Variants in JAKMIP3 observed in about 807,000 individuals in gnomAD.
JAKMIP3 encodes the protein janus kinase and microtubule-interacting protein 3.
In JAKMIP3, 58 loss-of-function variants were observed where a neutral mutation model predicts 118.5. The ratio of observed to expected loss-of-function variants is 0.49; its 90% CI spans 0.40 to 0.61. The LOEUF (loss-of-function observed/expected upper bound fraction) is 0.61, where lower values mean the gene tolerates loss of function less well. Among genes scored for constraint, JAKMIP3 ranks in the 20% least tolerant of loss-of-function variants. JAKMIP3 has a pLI of 0.00. For missense variants in JAKMIP3, 950 were observed against 1,109.0 expected (o/e 0.86, Z 2.04); for synonymous variants, 486 against 451.2 (o/e 1.08, Z -0.98).
intron 1 of JAKMIP3, 106 bp from the exon 2 acceptor site, chr10:132,104,566 C>T (rs2045614546): frequency 3.7e-6 from 2 of 539,946 alleles, no homozygotes; most frequent in East Asian, 6.3e-5. Context: ...CTCAGCACTG[C>T]AATGAGGTGG....
rs1183696122 is a variant in JAKMIP3, at chr10:132,182,685, C to T, written c.*1432C>T. The T allele has an allele frequency of 1.3e-5, 2 of 152,204 alleles. No homozygotes were observed. The highest frequency in any genetic ancestry group is 4.8e-5 in the African/African-American group (2 of 41,448). The allele number at this position is 152,204 out of a possible 1,614,324, so 9.4% of individuals were successfully genotyped here. A position where few individuals can be genotyped will look rare whatever the true frequency, so the allele number is the denominator to read the frequency against. ...GCTGTGCAGCCAGGTGTGACTGTTA[C>T]TGGCAGCATTGTATAAAAGACACGA... On this transcript the variant is annotated 3_prime_UTR_variant, in exon 24 of 24. Coordinates refer to ENST00000684848, the MANE Select transcript of JAKMIP3 (RefSeq NM_001323087.2).
At chr10:132,100,783 C>T (rs974280036) in intron 1 of JAKMIP3, among the ~76,000 whole-genome samples, 15 of 151,756 alleles carry the variant, frequency 9.9e-5, no homozygotes, top group Admixed American at 5.9e-4. Context: ...CCCTTTCTCT[C>T]GGCATGAGGA....
At chr10:132,073,987 C>A (rs753661669) in intron 1 of JAKMIP3, among the ~76,000 whole-genome samples, 5 of 139,226 alleles carry the variant, frequency 3.6e-5, no homozygotes, top group Non-Finnish European at 6.2e-5. Context: ...TACATTCCCA[C>A]CAGCAGCGTA....
chr10:132,132,444 A>T (rs1422532854), intron 3 of JAKMIP3, among the ~76,000 whole-genome samples: 1 of 152,170 alleles, frequency 6.6e-6, no homozygotes, highest in East Asian at 1.9e-4. Context: ...TCTGGCTGGC[A>T]CATTCCTGCC....
intron 14 of JAKMIP3, among the ~76,000 whole-genome samples, chr10:132,148,745 G>C (rs977177887): frequency 1.3e-5 from 2 of 152,242 alleles, no homozygotes; most frequent in Non-Finnish European, 2.9e-5. Context: ...CTCAGGCTGG[G>C]TGTGGGCAGC....
At chr10:132,038,289 G>A (rs898213117) in intron 1 of JAKMIP3, among the ~76,000 whole-genome samples, 1 of 152,098 alleles carries the variant, frequency 6.6e-6, no homozygotes, top group Non-Finnish European at 1.5e-5. Context: ...TGCAGTCAGC[G>A]TTTCTCACAC....
At chr10:132,053,996 T>C (rs9419171) in intron 1 of JAKMIP3, among the ~76,000 whole-genome samples, 109,063 of 148,096 alleles carry the variant, frequency 0.74, 40,212 homozygotes, top group Admixed American at 0.81. Context: ...GCTGAGATCG[T>C]GCCACTGCAC....
chr10:132,138,462 G>A lies in JAKMIP3; in HGVS notation c.1344+284G>A, dbSNP rs1409203680. Among the ~76,000 whole-genome samples, 7 of 151,980 alleles carry A rather than the reference G, an allele frequency of 4.6e-5. No homozygotes were observed. The South Asian group carries it at 6.2e-4, about 14-fold the overall frequency. ...GCTGGGTGTGTGTGCCGAGGACCGC[G>A]CCCGCGTGTGTGGAGAGCGCTGGTG... On this transcript the variant is annotated intron_variant, in intron 9 of 23. Coordinates refer to ENST00000684848, the MANE Select transcript of JAKMIP3 (RefSeq NM_001323087.2).
chr10:132,060,757 C>T (rs1333944782), upstream of JAKMIP3, among the ~76,000 whole-genome samples: 3 of 152,214 alleles, frequency 2.0e-5, no homozygotes, highest in African/African-American at 4.8e-5. Context: ...CAGTGGCTCA[C>T]GCCTGTAATC....
chr10:132,063,329 G>A (rs1436114726), upstream of JAKMIP3, among the ~76,000 whole-genome samples: 2 of 152,294 alleles, frequency 1.3e-5, no homozygotes, highest in East Asian at 1.9e-4. Flanking sequence ...ACACGTCCTG[G>A]GGGTGCTGGC....
intron 20 of JAKMIP3, among the ~76,000 whole-genome samples, chr10:132,163,722 G>A (rs1459493949): frequency 6.6e-6 from 1 of 152,268 alleles, no homozygotes; most frequent in African/African-American, 2.4e-5. Context: ...GTCAATGGCA[G>A]GCACTCAGGC....
rs1339093105 is a variant in JAKMIP3 at position 132,180,776 on chromosome 10, T to TGCGTGC, written c.*1104-1580_*1104-1579insCGTGCG. 1.0e-3 allele frequency among the ~76,000 whole-genome samples: 46 copies of TGCGTGC among 44,622 alleles called. 13 individuals carry two copies. Among genetic ancestry groups the TGCGTGC allele is most frequent in the African/African-American group, 3.9e-3 (45 of 11,526 alleles). The allele number at this position is 44,622 out of a possible 152,430, so 29.3% of individuals were successfully genotyped here. A position where few individuals can be genotyped will look rare whatever the true frequency, so the allele number is the denominator to read the frequency against. Reference sequence around the variant, plus strand: ...GCGTGTGTGCGTGTGTGTGCGTGTGTGTGTGTGCGCGTATGCATGTGCTGT... The same window carrying TGCGTGC: ...GCGTGTGTGCGTGTGTGTGCGTGTGTGCGTGCGTGTGTGCGCGTATGCATGTGCTGT... On this transcript the variant is annotated intron_variant, in intron 23 of 23. Coordinates refer to ENST00000684848, the MANE Select transcript of JAKMIP3 (RefSeq NM_001323087.2).
intron 2 of JAKMIP3, among the ~76,000 whole-genome samples, chr10:132,109,069 CACATACACATAT>C (rs2046399886): frequency 7.5e-4 from 1 of 1,334 alleles, no homozygotes. Context: ...CACATATACA[CACATACACATAT>C]ATATACACAC....
Position 132,138,378 on chromosome 10 carries a change from G to A in JAKMIP3, c.1344+200G>A, listed in dbSNP as rs192802764. ...TGCGTGTGGAGAGGACCGCGCCCGC[G>A]TGTGTGGAGAGTACGCCGGGTGTGT... On this transcript the variant is annotated intron_variant, in intron 9 of 23. Transcript: ENST00000684848. 6.1e-3 allele frequency among the ~76,000 whole-genome samples: 863 copies of A among 140,608 alleles called. 6 individuals are homozygous for A. The highest frequency in any genetic ancestry group is 9.1e-3 in the Non-Finnish European group (597 of 65,752). The allele number at this position is 140,608 out of a possible 152,430, so 92.2% of individuals were successfully genotyped here. A position where few individuals can be genotyped will look rare whatever the true frequency, so the allele number is the denominator to read the frequency against.
At position 132,153,985 on chromosome 10, in the gene JAKMIP3, A is replaced by C. The variant is rs199888194; in HGVS notation, c.2215A>C (p.Asn739His). 17 of 1,612,808 alleles carry C rather than the reference A, an allele frequency of 1.1e-5. No individual in the cohort carries two copies. The highest frequency in any genetic ancestry group is 1.2e-5 in the Non-Finnish European group (14 of 1,179,824). The change falls in exon 19 of 24, where the codon AAC (asparagine) becomes CAC (histidine). Residue 739 changes from asparagine (N) to histidine (H), a missense_variant. Asn to His is a moderately conservative substitution (Grantham distance 68). Coordinates refer to ENST00000684848, the MANE Select transcript of JAKMIP3 (RefSeq NM_001323087.2). ...DYRKQALDQA[N>H]KHILELEAML... Reference sequence around the variant, plus strand: ...CCGGAAACAGGCCTTGGACCAGGCCAACAAGGTGAGAGGCACGAGACTGCT... The same window carrying C: ...CCGGAAACAGGCCTTGGACCAGGCCCACAAGGTGAGAGGCACGAGACTGCT...
At chr10:132,090,543 G>T (rs539067507) in intron 1 of JAKMIP3, among the ~76,000 whole-genome samples, 58 of 152,240 alleles carry the variant, frequency 3.8e-4, no homozygotes, top group African/African-American at 1.3e-3. Flanking sequence ...ATTTCTGTGG[G>T]ATCAGTGGTG....
At chr10:132,109,959 C>G (rs898277219) in intron 2 of JAKMIP3, among the ~76,000 whole-genome samples, 1 of 152,166 alleles carries the variant, frequency 6.6e-6, no homozygotes, top group East Asian at 1.9e-4. Context: ...TTACTGTGTC[C>G]GTGCCAAAAG....
chr10:132,152,484 G>A (rs1462893365), intron 16 of JAKMIP3, among the ~76,000 whole-genome samples: 1 of 152,194 alleles, frequency 6.6e-6, no homozygotes. Context: ...ATGCATAAAA[G>A]AGACAAAACC....
intron 1 of JAKMIP3, among the ~76,000 whole-genome samples, chr10:132,052,461 C>T (rs2038128747): frequency 6.6e-6 from 1 of 152,176 alleles, no homozygotes; most frequent in South Asian, 2.1e-4. Context: ...CTAGAGAATT[C>T]TGTCAGTATA....
Sources: allele counts gnomAD v4.1 joint callset (sites outside exome capture counted in the v4.1 genomes callset), GRCh38; gene constraint gnomAD v4.1.1; transcripts MANE v1.5; gene names NCBI Gene and HGNC (gene_info 2026-07-23, HGNC 2026-07-21).